Variants in BEST3 observed in about 807,000 individuals in gnomAD.
BEST3 encodes the protein bestrophin 3, also known as bestrophin-3.
A neutral mutation model predicts 47.1 loss-of-function variants in BEST3; 50 were observed. The ratio of observed to expected loss-of-function variants is 1.06; its 90% CI spans 0.85 to 1.34. BEST3 has a LOEUF of 1.34. Ranked by LOEUF, BEST3 falls within the 40% of genes most tolerant of loss-of-function variation. BEST3 has a pLI of 0.00. For missense variants in BEST3, 765 were observed against 817.0 expected, an observed-to-expected ratio of 0.94 and a Z score of 0.78; for synonymous variants, 282 against 298.8, an observed-to-expected ratio of 0.94 and a Z score of 0.58.
chr12:69,676,269 T>G (rs1884909839), intron 7 of BEST3, among the ~76,000 whole-genome samples: 1 of 152,094 alleles, frequency 6.6e-6, no homozygotes, highest in Non-Finnish European at 1.5e-5. Flanking sequence ...GGGGTACATT[T>G]AGACCAGGCG....
At chr12:69,678,283 T>A (rs1265442124) in intron 5 of BEST3, among the ~76,000 whole-genome samples, 1 of 152,114 alleles carries the variant, frequency 6.6e-6, no homozygotes, top group Non-Finnish European at 1.5e-5. Flanking sequence ...TTAATGAAAA[T>A]ACTATTTTAC....
intron 7 of BEST3, among the ~76,000 whole-genome samples, chr12:69,676,277 G>T (rs1884910049): frequency 1.3e-5 from 2 of 152,124 alleles, no homozygotes; most frequent in South Asian, 2.1e-4. Flanking sequence ...TTTAGACCAG[G>T]CGCGGTGGCT....
At chr12:69,676,209 T>C (rs1204958887) in intron 7 of BEST3, among the ~76,000 whole-genome samples, 1 of 152,182 alleles carries the variant, frequency 6.6e-6, no homozygotes, top group Non-Finnish European at 1.5e-5. Context: ...TTCTGGTGTT[T>C]CTGGTTCTGA....
intron 2 of BEST3, among the ~76,000 whole-genome samples, chr12:69,695,075 G>A (rs1033088883): frequency 6.6e-6 from 1 of 152,034 alleles, no homozygotes; most frequent in Non-Finnish European, 1.5e-5. Flanking sequence ...TTATATTATA[G>A]ATCTAACCCA....
At chr12:69,688,711 A>G (rs1483921322) in intron 4 of BEST3, among the ~76,000 whole-genome samples, 1 of 152,130 alleles carries the variant, frequency 6.6e-6, no homozygotes, top group Non-Finnish European at 1.5e-5. Flanking sequence ...CACTGAATCT[A>G]TGGAGGCAAA....
intron 2 of BEST3, among the ~76,000 whole-genome samples, chr12:69,697,096 C>T (rs564536409): frequency 7.2e-5 from 11 of 152,124 alleles, no homozygotes; most frequent in Middle Eastern, 3.4e-3. Context: ...ACTCAGAAAA[C>T]GGAAAGAAAA....
At chr12:69,645,759 A>G (rs1883011284) in intron 9 of BEST3, among the ~76,000 whole-genome samples, 2 of 151,612 alleles carry the variant, frequency 1.3e-5, no homozygotes, top group South Asian at 2.1e-4. Flanking sequence ...GAAGTGATAT[A>G]TATAAAACAC....
chr12:69,691,302 G>A (rs1885914638), intron 4 of BEST3, among the ~76,000 whole-genome samples: 2 of 152,178 alleles, frequency 1.3e-5, no homozygotes, highest in Admixed American at 1.3e-4. Flanking sequence ...GCTATTATAA[G>A]TTACTTTAAG....
At chr12:69,643,769 A>G (rs1256722163) in exon 10 of BEST3, 1 of 715,716 alleles carries the variant, frequency 1.4e-6, no homozygotes, top group South Asian at 1.5e-5. Flanking sequence ...TCTTCCACTC[A>G]TTCTTAGGCA....
chr12:69,673,361 A>T (rs1450568523), intron 7 of BEST3, among the ~76,000 whole-genome samples: 4 of 152,238 alleles, frequency 2.6e-5, no homozygotes, highest in Non-Finnish European at 5.9e-5. Flanking sequence ...CAAAATGTAC[A>T]CAGGGAGAAG....
At chr12:69,665,341 G>A (rs188826487) in intron 9 of BEST3, among the ~76,000 whole-genome samples, 113 of 152,214 alleles carry the variant, frequency 7.4e-4, no homozygotes, top group African/African-American at 2.5e-3. Flanking sequence ...AGGTGGTGAC[G>A]ATAATTCTAA....
chr12:69,671,276 A>C, intron 9 of BEST3, 152 bp downstream of exon 9: 1 of 746,872 alleles, frequency 1.3e-6, no homozygotes, highest in Non-Finnish European at 2.0e-6. Flanking sequence ...GCAATCCTCC[A>C]ACTGCAGCCT....
intron 9 of BEST3, chr12:69,670,180 A>G (rs956882628): frequency 2.8e-6 from 1 of 360,532 alleles, no homozygotes; most frequent in Admixed American, 3.8e-5. Context: ...CTGCCCCTGC[A>G]GAAGGTATCA....
chr12:69,654,352 T>A lies in BEST3; in HGVS notation c.*555A>T. On this transcript the variant is annotated 3_prime_UTR_variant, in exon 10 of 10. Transcript: ENST00000330891. Reference sequence around the variant, plus strand: ...TAAGTGTTCTGGTGCTGATGAAGCTTAAGAATCAGGAAGTGATAATAACAA... The same window carrying A: ...TAAGTGTTCTGGTGCTGATGAAGCTAAAGAATCAGGAAGTGATAATAACAA... 1 of 985,040 alleles carries A rather than the reference T, an allele frequency of 1.0e-6. No individual in the cohort carries two copies. The highest frequency in any genetic ancestry group is 1.1e-4 in the East Asian group (1 of 8,802). 61.0% of individuals were successfully genotyped at this position (985,040 alleles called of 1,614,324 possible). A position where few individuals can be genotyped will look rare whatever the true frequency, so the allele number is the denominator to read the frequency against.
At position 69,671,521 on chromosome 12, in the gene BEST3, A is replaced by G; in HGVS notation, c.1007T>C (p.Ile336Thr). Residue 336 changes from isoleucine to threonine, a missense_variant, in exon 9 of 10, where the codon ATT (isoleucine) becomes ACT (threonine). Physicochemically the swap from Ile to Thr is moderately conservative, Grantham distance 89. Transcript: ENST00000330891. Reference sequence around the variant, plus strand: ...GCGAGCAGCAGAATCGTCCCAGTAAATGTCCTTCTTCATCTTGGGTAAGCT... The same window carrying G: ...GCGAGCAGCAGAATCGTCCCAGTAAGTGTCCTTCTTCATCTTGGGTAAGCT... The part of the protein sequence containing the change: ...HMSLPKMKKD[I>T]YWDDSAARPP... The G allele has an allele frequency of 6.2e-7, 1 of 1,613,998 alleles. No individual in the cohort carries two copies. The highest frequency in any genetic ancestry group is 8.5e-7 in the Non-Finnish European group (1 of 1,179,878).
At position 69,653,672 on chromosome 12, in the gene BEST3, G is replaced by A. The variant is rs56834803; in HGVS notation, c.*1235C>T. ...GTCAAGTGCCATCATATGACAAATG[G>A]TAAGTGCAGCAGTCGTAAGGCATGG... On this transcript the variant is annotated 3_prime_UTR_variant, in exon 10 of 10. Coordinates refer to ENST00000330891, the MANE Select transcript of BEST3 (RefSeq NM_032735.3). The A allele has an allele frequency of 1.4e-3, 1,356 of 985,398 alleles. 17 individuals carry two copies. The African/African-American group carries it at 0.021, about 15-fold the overall frequency. 61.0% of individuals were successfully genotyped at this position (985,398 alleles called of 1,614,324 possible).
intron 4 of BEST3, among the ~76,000 whole-genome samples, chr12:69,686,050 G>A (rs1885559524): frequency 6.6e-6 from 1 of 152,096 alleles, no homozygotes; most frequent in Non-Finnish European, 1.5e-5. Context: ...GACTTACTCA[G>A]CCTCTAAAAG....
downstream of BEST3, among the ~76,000 whole-genome samples, chr12:69,652,160 C>A (rs1883231071): frequency 1.3e-5 from 2 of 152,200 alleles, no homozygotes; most frequent in African/African-American, 2.4e-5. Context: ...AGAGTTATCT[C>A]TACAAAGCAG....
chr12:69,680,577 G>A (rs1038527457), intron 4 of BEST3, among the ~76,000 whole-genome samples: 4 of 151,980 alleles, frequency 2.6e-5, no homozygotes, highest in African/African-American at 4.8e-5. Flanking sequence ...AAATTGCTGG[G>A]ATTACAGGCG....
Sources: allele counts gnomAD v4.1 joint callset (sites outside exome capture counted in the v4.1 genomes callset), GRCh38; gene constraint gnomAD v4.1.1; transcripts MANE v1.5; gene names NCBI Gene and HGNC (gene_info 2026-07-23, HGNC 2026-07-21).